Variants in HMCN1 observed in about 807,000 individuals in gnomAD.
HMCN1 encodes the protein hemicentin 1.
HMCN1 carries 321 observed loss-of-function variants against 625.9 expected under a neutral mutation model. The observed-to-expected ratio is 0.51, with a 90% CI of 0.47 to 0.56. The LOEUF (loss-of-function observed/expected upper bound fraction) is 0.56, where lower values mean the gene tolerates loss of function less well. HMCN1 is among the 20% of genes least tolerant of loss of function. The pLI, the probability that HMCN1 is intolerant of heterozygous loss-of-function variation, is 0.00. For synonymous variants in HMCN1, 2,425 were observed against 2,417.6 expected, an observed-to-expected ratio of 1.00 and a Z score of -0.09; for missense variants, 6,588 against 6,887.3, an observed-to-expected ratio of 0.96 and a Z score of 1.54.
Position 186,119,748 on chromosome 1 carries a change from C to T in HMCN1, c.11960C>T (p.Pro3987Leu). The part of the protein sequence containing the change: ...HRHVTLHVHE[P>L]PVIQPQPSEL... ...TTGTTGATTGGTTTTTTTATAGAGC[C>T]TCCAGTCATTCAGCCCCAACCAAGT... The change falls in exon 79 of 107, where the codon CCT becomes CTT. Residue 3987 changes from proline to leucine, a missense_variant. Physicochemically the swap from Pro to Leu is moderately conservative, Grantham distance 98 (BLOSUM62 -3). Coordinates refer to ENST00000271588, the MANE Select transcript of HMCN1 (RefSeq NM_031935.3). 1 of 1,613,742 alleles carries T rather than the reference C, an allele frequency of 6.2e-7. No homozygotes were observed. The highest frequency in any genetic ancestry group is 8.5e-7 in the Non-Finnish European group (1 of 1,179,838).
intron 1 of HMCN1, among the ~76,000 whole-genome samples, chr1:185,784,912 G>C (rs892656465): frequency 6.6e-6 from 1 of 152,114 alleles, no homozygotes; most frequent in African/African-American, 2.4e-5. Flanking sequence ...CCATTGTTCT[G>C]ATATCTGTCG....
intron 1 of HMCN1, among the ~76,000 whole-genome samples, chr1:185,742,787 A>G (rs535827115): frequency 1.9e-4 from 29 of 152,314 alleles, no homozygotes; most frequent in Non-Finnish European, 3.5e-4. Flanking sequence ...GGATAATAAA[A>G]TATTTCAACT....
intron 29 of HMCN1, among the ~76,000 whole-genome samples, chr1:186,004,294 C>G (rs1653399799): frequency 6.6e-6 from 1 of 152,080 alleles, no homozygotes; most frequent in East Asian, 1.9e-4. Flanking sequence ...TGAGGTGTGC[C>G]TACATCGAAA....
intron 52 of HMCN1, among the ~76,000 whole-genome samples, chr1:186,073,179 C>T (rs1329868851): frequency 6.6e-6 from 1 of 151,788 alleles, no homozygotes; most frequent in African/African-American, 2.4e-5. Flanking sequence ...GCGTAGTGTC[C>T]CAAAAGATAA....
At chr1:185,876,459 T>C (rs144803640) in intron 4 of HMCN1, among the ~76,000 whole-genome samples, 135 of 152,250 alleles carry the variant, frequency 8.9e-4, no homozygotes, top group African/African-American at 3.1e-3. Flanking sequence ...ATGGTAGTAC[T>C]GTTTTTAGTT....
intron 20 of HMCN1, among the ~76,000 whole-genome samples, chr1:185,988,226 T>G (rs1652142166): frequency 1.3e-5 from 2 of 152,226 alleles, no homozygotes; most frequent in Non-Finnish European, 2.9e-5. Flanking sequence ...ACAAACTAAT[T>G]TATTCCCCTC....
chr1:185,990,471 C>T lies in HMCN1; in HGVS notation c.3377+28C>T, dbSNP rs764201980. ...AGGAGATCTGGGATGAATTGCAACA[C>T]ATGAAAACATAATCAACCTCTTGGG... is the stretch of plus-strand genomic sequence containing the variant. On this transcript the variant is annotated intron_variant, in intron 22 of 106. Coordinates refer to ENST00000271588, the MANE Select transcript of HMCN1 (RefSeq NM_031935.3). The T allele has an allele frequency of 1.9e-6, 3 of 1,602,778 alleles. No homozygotes were observed. The South Asian group carries it at 3.3e-5, about 18-fold the overall frequency.
Position 186,128,260 on chromosome 1 carries a change from A to C in HMCN1, c.12873A>C (p.Leu4291Phe). The C allele has an allele frequency of 6.2e-7, 1 of 1,613,440 alleles. No individual in the cohort carries two copies. The highest frequency in any genetic ancestry group is 8.5e-7 in the Non-Finnish European group (1 of 1,179,598). ...CKATGIPLPK[L>F]TWTFNNNIIP... Reference sequence around the variant, plus strand: ...CTACTGGTATTCCATTGCCCAAATTAACATGGACCTTCAATAACAATATTA... The same window carrying C: ...CTACTGGTATTCCATTGCCCAAATTCACATGGACCTTCAATAACAATATTA... The change falls in exon 83 of 107, where the codon TTA (leucine) becomes TTC (phenylalanine). Residue 4291 changes from leucine to phenylalanine, a missense_variant. Transcript: ENST00000271588.
At chr1:185,765,296 T>A (rs755760448) in intron 1 of HMCN1, among the ~76,000 whole-genome samples, 3 of 152,008 alleles carry the variant, frequency 2.0e-5, no homozygotes. Context: ...TACTAGAATA[T>A]CTTAAAAGCA....
intron 1 of HMCN1, among the ~76,000 whole-genome samples, chr1:185,754,334 A>T (rs1655003500): frequency 1.3e-5 from 2 of 152,176 alleles, no homozygotes; most frequent in South Asian, 2.1e-4. Context: ...AGTATTTCTT[A>T]AAAAAAGTCT....
intron 1 of HMCN1, among the ~76,000 whole-genome samples, chr1:185,771,810 A>G (rs1313927176): frequency 1.3e-5 from 2 of 152,148 alleles, no homozygotes; most frequent in Non-Finnish European, 2.9e-5. Flanking sequence ...GTAATTCATC[A>G]CCTTTAGTAG....
intron 64 of HMCN1, among the ~76,000 whole-genome samples, chr1:186,091,159 C>T (rs1659821298): frequency 6.6e-6 from 1 of 151,992 alleles, no homozygotes; most frequent in Non-Finnish European, 1.5e-5. Flanking sequence ...AACTCATTAA[C>T]TTTAACTAAC....
intron 35 of HMCN1, among the ~76,000 whole-genome samples, chr1:186,022,336 G>T (rs1654777674): frequency 6.6e-6 from 1 of 152,132 alleles, no homozygotes; most frequent in South Asian, 2.1e-4. Context: ...TTAGAACTGA[G>T]GGAATGCTTA....
chr1:185,846,438 T>C (rs542653672), intron 2 of HMCN1, among the ~76,000 whole-genome samples: 6 of 152,270 alleles, frequency 3.9e-5, no homozygotes, highest in Admixed American at 3.9e-4. Flanking sequence ...TAAGGAACGG[T>C]TAATAATTCT....
chr1:186,048,601 C>T, intron 41 of HMCN1, 142 bp from the exon 42 acceptor site: 2 of 654,092 alleles, frequency 3.1e-6, no homozygotes, highest in Admixed American at 4.5e-5. Flanking sequence ...GGGTATATAG[C>T]CATTTATATT....
At chr1:185,912,406 C>T (rs138568705) in intron 6 of HMCN1, among the ~76,000 whole-genome samples, 27 of 152,216 alleles carry the variant, frequency 1.8e-4, no homozygotes, top group Admixed American at 5.2e-4. Flanking sequence ...ATATCCTAAA[C>T]TTATCTTAAG....
chr1:186,019,605 C>T lies in HMCN1; in HGVS notation c.5535C>T (p.Ala1845=), dbSNP rs1462380446. 3.1e-6 allele frequency: 5 copies of T among 1,610,326 alleles called. No individual in the cohort carries two copies. The highest frequency in any genetic ancestry group is 4.5e-5 in the East Asian group (2 of 44,828). ...TTGTGGTAAAATACAAGCCTGTCGC[C>T]TTGCAGTGCATAGCCAATGGGATTC... is the stretch of plus-strand genomic sequence containing the variant. ...ERVVVKYKPV[A]LQCIANGIPN... is the part of the protein sequence containing the mutation. The change falls in exon 35 of 107, where the codon GCC becomes GCT. Residue 1845 remains alanine, a synonymous_variant. Transcript: ENST00000271588.
At chr1:185,851,080 CATTA>C (rs1462751879) in intron 2 of HMCN1, among the ~76,000 whole-genome samples, 1 of 152,088 alleles carries the variant, frequency 6.6e-6, no homozygotes, top group African/African-American at 2.4e-5. Flanking sequence ...TTTATTATTT[CATTA>C]ATCAGTTTGA....
chr1:185,811,962 A>C (rs897677389), intron 1 of HMCN1, among the ~76,000 whole-genome samples: 1 of 152,216 alleles, frequency 6.6e-6, no homozygotes, highest in Admixed American at 6.5e-5. Context: ...TGTTATAGAA[A>C]ACTGGAGACA....
Sources: allele counts gnomAD v4.1 joint callset (sites outside exome capture counted in the v4.1 genomes callset), GRCh38; gene constraint gnomAD v4.1.1; transcripts MANE v1.5; gene names NCBI Gene and HGNC (gene_info 2026-07-23, HGNC 2026-07-21).